The following LSS variants were observed in gnomAD, a reference collection of about 807,000 sequenced individuals.
LSS encodes the protein 2,3-epoxysqualene-lanosterol cyclase.
LSS carries 90 observed loss-of-function variants against 110.3 expected under a neutral mutation model. The ratio of observed to expected loss-of-function variants is 0.82; its 90% CI spans 0.69 to 0.97. LSS has a LOEUF of 0.97. Among genes scored for constraint, LSS ranks in the 50% least tolerant of loss-of-function variants. The pLI is 0.00. For missense variants in LSS, 927 were observed against 990.0 expected, an observed-to-expected ratio of 0.94 and a Z score of 0.85; for synonymous variants, 433 against 400.0, an observed-to-expected ratio of 1.08 and a Z score of -0.98.
Position 46,213,729 on chromosome 21 carries a change from C to G in LSS, c.1109+9G>C, listed in dbSNP as rs770524561. On this transcript the variant is annotated intron_variant, in intron 10 of 21. Transcript: ENST00000397728. ...AGAGGCCCCGCCAGCATATCCCAGC[C>G]ACACTCACCAGAGATAGTCCGGGAT... is the stretch of plus-strand genomic sequence containing the variant. 1 of 1,611,948 alleles carries G rather than the reference C, an allele frequency of 6.2e-7. No homozygotes were observed. The highest frequency in any genetic ancestry group is 1.1e-5 in the South Asian group (1 of 90,630).
In LSS at chr21:46,216,475, A is replaced by G. The variant is rs926288036; in HGVS notation, c.697T>C (p.Cys233Arg). 1 of 1,613,406 alleles carries G rather than the reference A, an allele frequency of 6.2e-7. No homozygotes were observed. Among genetic ancestry groups the G allele is most frequent in the African/African-American group, 1.3e-5 (1 of 74,944 alleles). The change falls in exon 7 of 22, where the codon TGC (cysteine) becomes CGC (arginine). Residue 233 changes from cysteine (C) to arginine (R), a missense_variant. Cys to Arg is a radical substitution (Grantham distance 180). Transcript: ENST00000397728. The surrounding 1 kb of genome is among the most constrained non-coding windows in gnomAD (Gnocchi z 4.2). The stretch of plus-strand genomic sequence containing the variant: ...CTCATGGGCAGGTACACCTGCCGGC[A>G]GTGGCACCAGAGTGTGGAGGGGTGT... ...PAHPSTLWCH[C>R]RQVYLPMSYC...
intron 11 of LSS, 115 bp downstream of exon 11, chr21:46,212,910 C>T (rs958966712): frequency 4.7e-6 from 6 of 1,285,680 alleles, no homozygotes; most frequent in South Asian, 2.5e-5. Context: ...AGCCTCTAGT[C>T]GCACGCTGCC....
intron 4 of LSS, 165 bp from the exon 5 acceptor site, chr21:46,222,140 G>A (rs1197282961): frequency 5.9e-6 from 4 of 673,860 alleles, no homozygotes; most frequent in Admixed American, 5.5e-5. Context: ...TCTGCAGTAC[G>A]AATTCATGCA....
intron 3 of LSS, among the ~76,000 whole-genome samples, chr21:46,226,949 C>T (rs970504887): frequency 6.6e-6 from 1 of 152,162 alleles, no homozygotes; most frequent in African/African-American, 2.4e-5. Flanking sequence ...GTCATTGAAA[C>T]AATGTGATTA....
At chr21:46,207,714 G>T in intron 14 of LSS, 137 bp from the exon 15 acceptor site, 1 of 995,754 alleles carries the variant, frequency 1.0e-6, no homozygotes, top group Non-Finnish European at 1.5e-6. Flanking sequence ...AGGTGTGGGT[G>T]CAGCCAGGGC....
At chr21:46,202,334 C>A (rs1377435412) in intron 17 of LSS, among the ~76,000 whole-genome samples, 1 of 141,726 alleles carries the variant, frequency 7.1e-6, no homozygotes, top group Non-Finnish European at 1.5e-5. Flanking sequence ...GCGGAGCTTG[C>A]AGTGAGCCGA....
chr21:46,192,190 ACAGGCCTCCT>A (rs2123684516), intron 20 of LSS: 2 of 599,456 alleles, frequency 3.3e-6, no homozygotes, highest in South Asian at 3.9e-5. Flanking sequence ...GGCTGGGGAC[ACAGGCCTCCT>A]CAGGCCTGCC....
At chr21:46,201,588 A>AT (rs1201331641) in intron 17 of LSS, among the ~76,000 whole-genome samples, 2 of 152,042 alleles carry the variant, frequency 1.3e-5, no homozygotes, top group African/African-American at 2.4e-5. Context: ...AGGACAGGTC[A>AT]TGAAGCCCTC....
In LSS at chr21:46,188,544, T is replaced by A. The variant is rs1175535119; in HGVS notation, c.*2560A>T. 2.2e-6 allele frequency: 1 copy of A among 444,662 alleles called. No individual in the cohort carries two copies. Among genetic ancestry groups the A allele is most frequent in the Admixed American group, 2.6e-5 (1 of 39,048 alleles). The allele number at this position is 444,662 out of a possible 1,614,324, so 27.5% of individuals were successfully genotyped here. ...CATCTCCTCTTGGTGGTGTCCTTTG[T>A]CAAGAGCATGTCAGGGTGATGAGTC... On this transcript the variant is annotated 3_prime_UTR_variant, in exon 22 of 22. Coordinates refer to ENST00000397728, the MANE Select transcript of LSS (RefSeq NM_002340.6).
chr21:46,191,393 C>T (rs1407378655), intron 21 of LSS, among the ~76,000 whole-genome samples, 158 bp from the exon 22 acceptor site: 2 of 152,126 alleles, frequency 1.3e-5, no homozygotes, highest in African/African-American at 4.8e-5. Context: ...TAGTCCATCC[C>T]GCATCAGTCA....
At chr21:46,214,765 C>G (rs534303497) in intron 9 of LSS, among the ~76,000 whole-genome samples, 285 of 152,278 alleles carry the variant, frequency 1.9e-3, no homozygotes, top group Non-Finnish European at 1.6e-3. Context: ...AGGAGTGGCA[C>G]CTGCTACTCC....
At chr21:46,194,427 C>T (rs927874365) in intron 20 of LSS, 64 bp downstream of exon 20, 6 of 1,588,458 alleles carry the variant, frequency 3.8e-6, no homozygotes, top group Non-Finnish European at 5.1e-6. Flanking sequence ...AGGCCACCGG[C>T]TCACAGCTGA....
intron 3 of LSS, among the ~76,000 whole-genome samples, chr21:46,226,372 T>C (rs1009441031): frequency 6.6e-6 from 1 of 152,180 alleles, no homozygotes; most frequent in Non-Finnish European, 1.5e-5. Context: ...CTCTATGTCA[T>C]TGCCTTACCA....
intron 3 of LSS, among the ~76,000 whole-genome samples, chr21:46,223,178 T>C (rs1161020967): frequency 6.6e-6 from 1 of 152,256 alleles, no homozygotes; most frequent in African/African-American, 2.4e-5. Flanking sequence ...TTGCATGTGG[T>C]AATACCTACT....
intron 17 of LSS, among the ~76,000 whole-genome samples, chr21:46,202,408 TAAATA>T (rs1227985469): frequency 6.9e-6 from 1 of 145,220 alleles, no homozygotes; most frequent in East Asian, 2.0e-4. Flanking sequence ...AAAAAAAAAA[TAAATA>T]AAATAAAATC....
chr21:46,214,171 G>T (rs2080170244), intron 9 of LSS, among the ~76,000 whole-genome samples: 1 of 152,210 alleles, frequency 6.6e-6, no homozygotes, highest in African/African-American at 2.4e-5. Context: ...ACAACACAGG[G>T]GACAGAGGAC....
intron 2 of LSS, among the ~76,000 whole-genome samples, chr21:46,228,054 G>A (rs897687705): frequency 1.3e-5 from 2 of 152,242 alleles, no homozygotes; most frequent in Non-Finnish European, 2.9e-5. Flanking sequence ...CTCGGTGGCC[G>A]GGGCTCGGCA....
intron 3 of LSS, chr21:46,224,660 C>CT (rs1378019524): frequency 1.3e-5 from 2 of 152,260 alleles, no homozygotes; most frequent in African/African-American, 4.8e-5. Context: ...GGCAAGGAAA[C>CT]TGAGGCTCAG....
At chr21:46,206,450 G>C (rs2123720965) in intron 16 of LSS, among the ~76,000 whole-genome samples, 2 of 152,316 alleles carry the variant, frequency 1.3e-5, no homozygotes, top group East Asian at 3.9e-4. Flanking sequence ...TGTCCCCTAG[G>C]TCTGACCTGA....
Sources: allele counts gnomAD v4.1 joint callset (sites outside exome capture counted in the v4.1 genomes callset), GRCh38; gene constraint gnomAD v4.1.1; non-coding constraint Gnocchi (gnomAD v3.1); transcripts MANE v1.5; gene names NCBI Gene and HGNC (gene_info 2026-07-23, HGNC 2026-07-21).